CARD14: variants seen among roughly 807,000 people sequenced by gnomAD.
CARD14 encodes the protein caspase recruitment domain family member 14.
CARD14 carries 107 observed loss-of-function variants against 111.5 expected under a neutral mutation model. The observed-to-expected ratio is 0.96, with a 90% CI of 0.82 to 1.13. The LOEUF is 1.13. CARD14 is among the 50% of genes most tolerant of loss of function. The probability of loss-of-function intolerance (pLI) is 0.00; values close to 1 mark genes in which losing one functional copy is unlikely to be tolerated. For synonymous variants in CARD14, 617 were observed against 579.6 expected, an observed-to-expected ratio of 1.06 and a Z score of -0.93; for missense variants, 1,322 against 1,362.3, an observed-to-expected ratio of 0.97 and a Z score of 0.47.
intron 22 of CARD14, among the ~76,000 whole-genome samples, chr17:80,206,229 C>T (rs2041295869): frequency 6.6e-6 from 1 of 152,170 alleles, no homozygotes; most frequent in South Asian, 2.1e-4. Flanking sequence ...CTTTGGGAAC[C>T]CGAGGTGGGA....
chr17:80,174,973 C>T (rs990858235), intron 2 of CARD14, among the ~76,000 whole-genome samples: 1 of 151,852 alleles, frequency 6.6e-6, no homozygotes, highest in Non-Finnish European at 1.5e-5. Context: ...TTTCTTTTTT[C>T]TTTCTTTCTT....
chr17:80,184,618 C>T (rs1459228389), intron 7 of CARD14, among the ~76,000 whole-genome samples: 1 of 152,244 alleles, frequency 6.6e-6, no homozygotes, highest in Non-Finnish European at 1.5e-5. Context: ...CGGCCTCTGT[C>T]ATCCTCCTTT....
At chr17:80,186,226 C>CTT (rs2040339162) in intron 7 of CARD14, among the ~76,000 whole-genome samples, 1 of 151,458 alleles carries the variant, frequency 6.6e-6, no homozygotes, top group Non-Finnish European at 1.5e-5. Flanking sequence ...GACTTTGGAC[C>CTT]AGGCCAGCCC....
Position 80,198,071 on chromosome 17 carries a change from G to T in CARD14, c.1595-28G>T, listed in dbSNP as rs772724904. 1.2e-6 allele frequency: 2 copies of T among 1,613,064 alleles called. No individual in the cohort carries two copies. Among genetic ancestry groups the T allele is most frequent in the Non-Finnish European group, 8.5e-7 (1 of 1,179,664 alleles). On this transcript the variant is annotated intron_variant, in intron 14 of 23. Coordinates refer to ENST00000648509, the MANE Select transcript of CARD14 (RefSeq NM_001366385.1). This position sits in a 1 kb window ranked among gnomAD's most constrained non-coding sequence, Gnocchi z 7.5. The stretch of plus-strand genomic sequence containing the variant: ...GCCCCATCAGCAGTGGGGTGACCAA[G>T]ATCTGTGAGCTCTTGGCTTCCTCCC...
In CARD14 at chr17:80,189,890, C is replaced by T. The variant is rs1488959883; in HGVS notation, c.963+18C>T. The T allele has an allele frequency of 6.3e-7, 1 of 1,590,314 alleles. No individual in the cohort carries two copies. The highest frequency in any genetic ancestry group is 1.1e-5 in the South Asian group (1 of 88,540). On this transcript the variant is annotated intron_variant, in intron 9 of 23. Coordinates refer to ENST00000648509, the MANE Select transcript of CARD14 (RefSeq NM_001366385.1). The surrounding 1 kb of genome is among the most constrained non-coding windows in gnomAD (Gnocchi z 4.7). ...GAGAGCAGGTGCCGTGTGAGCCCTT[C>T]CTCCCTTGTGACTCTCCTGGGGCTT...
At chr17:80,204,488 G>A in intron 20 of CARD14, 147 bp downstream of exon 20, 1 of 725,106 alleles carries the variant, frequency 1.4e-6, no homozygotes, top group African/African-American at 1.8e-5. Flanking sequence ...GCTGGGTGTG[G>A]TGGCGCACAC....
In CARD14 at chr17:80,184,208, C is replaced by T. The variant is rs781686096; in HGVS notation, c.645C>T (p.Ala215=). The T allele has an allele frequency of 1.5e-5, 23 of 1,545,902 alleles. No individual in the cohort carries two copies. Among genetic ancestry groups the T allele is most frequent in the African/African-American group, 2.7e-5 (2 of 73,322 alleles). ...YSNALQEKEL[A]ASRCRSLQEE... Reference sequence around the variant, plus strand: ...ATGCGCTGCAGGAGAAGGAGCTGGCCGCCTCACGCTGCCGCAGCCTGCAGG... The same window carrying T: ...ATGCGCTGCAGGAGAAGGAGCTGGCTGCCTCACGCTGCCGCAGCCTGCAGG... The change falls in exon 7 of 24, where the codon GCC becomes GCT. Residue 215 remains alanine, a synonymous_variant. Coordinates refer to ENST00000648509, the MANE Select transcript of CARD14 (RefSeq NM_001366385.1).
Position 80,184,256 on chromosome 17 carries a change from ACCCCGGCG to A in CARD14, c.675+20_675+27del, listed in dbSNP as rs2040270279. Reference sequence around the variant, plus strand: ...AGGAGGAGGTAGGGGGACACCCTGCACCCCGGCGCGACCCTGCTGTCGTCTGCCCCCAG... The same window carrying A: ...AGGAGGAGGTAGGGGGACACCCTGCACGACCCTGCTGTCGTCTGCCCCCAG... On this transcript the variant is annotated intron_variant, in intron 7 of 23. Transcript: ENST00000648509. The A allele has an allele frequency of 5.4e-6, 8 of 1,492,490 alleles. No individual in the cohort carries two copies. The highest frequency in any genetic ancestry group is 7.2e-6 in the Non-Finnish European group (8 of 1,115,656). The allele number at this position is 1,492,490 out of a possible 1,614,324, so 92.5% of individuals were successfully genotyped here.
rs142547765 is a variant in CARD14 at position 80,208,720 on chromosome 17, T to C, written c.*375T>C. On this transcript the variant is annotated 3_prime_UTR_variant, in exon 24 of 24. Coordinates refer to ENST00000648509, the MANE Select transcript of CARD14 (RefSeq NM_001366385.1). ...AGGCCCGATTCAAATCTATGGGGGC[T>C]GCACTTCCCTTTTACATTTTGATGT... 122 of 193,672 alleles carry C rather than the reference T, an allele frequency of 6.3e-4. No individual in the cohort carries two copies. Among genetic ancestry groups the C allele is most frequent in the African/African-American group, 2.7e-3 (115 of 43,222 alleles). The allele number at this position is 193,672 out of a possible 1,614,324, so 12.0% of individuals were successfully genotyped here.
rs569641889 is a variant in CARD14, at chr17:80,192,609, G to A, written c.1346G>A (p.Ser449Asn). Residue 449 changes from serine to asparagine, a missense_variant, in exon 12 of 24, where the codon AGC (serine) becomes AAC (asparagine). Transcript: ENST00000648509. ...GACGACAGCGACTGCAGCCTCGTCA[G>A]CTCCACAGAGGTACGGCCGCTCCTC... Reference protein sequence around the residue: ...PRDDSDCSLVSSTESQLLSDL... With the variant: ...PRDDSDCSLVNSTESQLLSDL... 1.2e-6 allele frequency: 2 copies of A among 1,612,360 alleles called. No homozygotes were observed. The highest frequency in any genetic ancestry group is 2.2e-5 in the East Asian group (1 of 44,866).
chr17:80,186,838 C>T (rs2040359779), intron 7 of CARD14, among the ~76,000 whole-genome samples: 1 of 152,186 alleles, frequency 6.6e-6, no homozygotes, highest in African/African-American at 2.4e-5. Context: ...GCATGAGCCA[C>T]CACGCCCGGC....
Position 80,203,775 on chromosome 17 carries a change from C to T in CARD14, c.2220-47C>T, listed in dbSNP as rs749275230. ...CTGCTCGGCTCTCCCCTGCCCTGCTCACCTGGCAGGAGGCAGCTGGGTCAG... is the reference window on the plus strand; with the variant it reads ...CTGCTCGGCTCTCCCCTGCCCTGCTTACCTGGCAGGAGGCAGCTGGGTCAG... On this transcript the variant is annotated intron_variant, in intron 18 of 23. Coordinates refer to ENST00000648509, the MANE Select transcript of CARD14 (RefSeq NM_001366385.1). The surrounding 1 kb of genome is among the most constrained non-coding windows in gnomAD (Gnocchi z 4.6). 1.9e-5 allele frequency: 29 copies of T among 1,498,074 alleles called. No homozygotes were observed. Among genetic ancestry groups the T allele is most frequent in the Non-Finnish European group, 2.5e-5 (27 of 1,100,674 alleles). The allele number at this position is 1,498,074 out of a possible 1,614,324, so 92.8% of individuals were successfully genotyped here.
chr17:80,175,474 G>C (rs994195655), intron 2 of CARD14, among the ~76,000 whole-genome samples: 1 of 152,180 alleles, frequency 6.6e-6, no homozygotes, highest in Non-Finnish European at 1.5e-5. Context: ...GTGACAGAGC[G>C]ACTGCGCCCA....
chr17:80,180,082 T>C (rs2040121489), intron 4 of CARD14, among the ~76,000 whole-genome samples: 1 of 152,192 alleles, frequency 6.6e-6, no homozygotes, highest in African/African-American at 2.4e-5. Flanking sequence ...AATGGGCTAA[T>C]GGCCTCATGT....
At chr17:80,208,108 G>GC in intron 23 of CARD14, 30 bp from the exon 24 acceptor site, 2 of 1,465,564 alleles carry the variant, frequency 1.4e-6, no homozygotes, top group Non-Finnish European at 1.8e-6. Context: ...TCTCCCCTGA[G>GC]CCCGCCCCCC....
At position 80,204,451 on chromosome 17, in the gene CARD14, C is replaced by G. The variant is rs2041165369; in HGVS notation, c.2398+110C>G. 4 of 1,056,240 alleles carry G rather than the reference C, an allele frequency of 3.8e-6. No individual in the cohort carries two copies. The Admixed American group carries it at 8.3e-5, about 22-fold the overall frequency. The allele number at this position is 1,056,240 out of a possible 1,614,324, so 65.4% of individuals were successfully genotyped here. On this transcript the variant is annotated intron_variant, in intron 20 of 23. Coordinates refer to ENST00000648509, the MANE Select transcript of CARD14 (RefSeq NM_001366385.1). ...GCAGGGGGATGCCACTCATTTAGGC[C>G]AGGATCTGGTCTTCAAGAATCATGG... is the stretch of plus-strand genomic sequence containing the variant.
chr17:80,200,276 G>A lies in CARD14; in HGVS notation c.1852-1468G>A, dbSNP rs574921726. On this transcript the variant is annotated intron_variant, in intron 16 of 23. Coordinates refer to ENST00000648509, the MANE Select transcript of CARD14 (RefSeq NM_001366385.1). ...TTTTGAGACAGAGTCTTGCTCTGTC[G>A]CCCAGGCTGGAGTGCAGTGGCTCGA... Among the ~76,000 whole-genome samples the A allele has an allele frequency of 1.9e-4, 23 of 118,010 alleles. No individual in the cohort carries two copies. The South Asian group carries it at 4.2e-3, about 22-fold the overall frequency. The allele number at this position is 118,010 out of a possible 152,430, so 77.4% of individuals were successfully genotyped here.
intron 4 of CARD14, among the ~76,000 whole-genome samples, chr17:80,179,831 CA>C (rs967529805): frequency 1.3e-5 from 2 of 151,538 alleles, no homozygotes; most frequent in Non-Finnish European, 2.9e-5. Context: ...GACCCTACCT[CA>C]AAAAAAATCA....
At chr17:80,184,300 T>C (rs2040273026) in intron 7 of CARD14, 62 bp downstream of exon 7, 39 of 1,319,156 alleles carry the variant, frequency 3.0e-5, no homozygotes, top group Non-Finnish European at 3.9e-5. Context: ...GCCTTTGTAC[T>C]AGCTGGTCCA....
Sources: allele counts gnomAD v4.1 joint callset (sites outside exome capture counted in the v4.1 genomes callset), GRCh38; gene constraint gnomAD v4.1.1; non-coding constraint Gnocchi (gnomAD v3.1); transcripts MANE v1.5; gene names NCBI Gene and HGNC (gene_info 2026-07-23, HGNC 2026-07-21).